The following USF3 variants were observed in gnomAD, a reference collection of about 807,000 sequenced individuals.
USF3 encodes the protein basic helix-loop-helix domain-containing protein USF3.
USF3 carries 29 observed loss-of-function variants against 157.5 expected under a neutral mutation model. The observed-to-expected ratio is 0.18, with a 90% CI of 0.14 to 0.25. The LOEUF (loss-of-function observed/expected upper bound fraction) is 0.25, where lower values mean the gene tolerates loss of function less well. Among genes scored for constraint, USF3 ranks in the 10% least tolerant of loss-of-function variants. USF3 has a pLI of 1.00. For missense variants in USF3, 2,381 were observed against 2,667.6 expected (o/e 0.89, Z 2.37); for synonymous variants, 893 against 941.4 (o/e 0.95, Z 0.94).
chr3:113,680,952 A>G (rs553711472), intron 1 of USF3, among the ~76,000 whole-genome samples: 6 of 151,720 alleles, frequency 4.0e-5, no homozygotes, highest in Admixed American at 6.6e-5. Context: ...ATGTACTGTT[A>G]GGTTCTTTAT....
chr3:113,659,554 C>A lies in USF3; in HGVS notation c.2128G>T (p.Ala710Ser). ...ATGCTTTGATTGAGGCTGGCCAAAGCACCAAATGTATTCAGGGCAACATTG... is the reference window on the plus strand; with the variant it reads ...ATGCTTTGATTGAGGCTGGCCAAAGAACCAAATGTATTCAGGGCAACATTG... ...NTNVALNTFG[A>S]LASLNQSISQ... Residue 710 changes from alanine (A) to serine (S), a missense_variant, in exon 7 of 7, where the codon GCT becomes TCT. Transcript: ENST00000316407. 1 of 1,614,148 alleles carries A rather than the reference C, an allele frequency of 6.2e-7. No individual in the cohort carries two copies. Among genetic ancestry groups the A allele is most frequent in the Non-Finnish European group, 8.5e-7 (1 of 1,180,000 alleles).
At position 113,660,262 on chromosome 3, in the gene USF3, C is replaced by T; in HGVS notation, c.1420G>A (p.Val474Met). ...SPTTSNHSRYVATDINLNNSF... is the reference protein window; with the variant it reads ...SPTTSNHSRYMATDINLNNSF... ...TTATTCAAGTTGATGTCTGTAGCCA[C>T]ATATCTACTGTGGTTGCTTGTGGTG... Residue 474 changes from valine (V) to methionine (M), a missense_variant, in exon 7 of 7, where the codon GTG becomes ATG. Physicochemically the swap from Val to Met is conservative, Grantham distance 21. Coordinates refer to ENST00000316407, the MANE Select transcript of USF3 (RefSeq NM_001009899.4). 1.2e-6 allele frequency: 2 copies of T among 1,614,200 alleles called. No individual in the cohort carries two copies. Among genetic ancestry groups the T allele is most frequent in the Non-Finnish European group, 1.7e-6 (2 of 1,180,032 alleles).
intron 1 of USF3, among the ~76,000 whole-genome samples, chr3:113,687,997 G>A (rs912815457): frequency 2.0e-5 from 3 of 152,196 alleles, no homozygotes; most frequent in African/African-American, 7.2e-5. Flanking sequence ...TCCAGGGTCA[G>A]CTAATTCAAA....
intron 1 of USF3, among the ~76,000 whole-genome samples, chr3:113,687,456 C>T (rs770542689): frequency 6.6e-6 from 1 of 152,170 alleles, no homozygotes; most frequent in Non-Finnish European, 1.5e-5. Context: ...TCACTGCTTC[C>T]AAGCCTTCTC....
In USF3 at chr3:113,658,867, C is replaced by T. The variant is rs375618670; in HGVS notation, c.2815G>A (p.Ala939Thr). The T allele has an allele frequency of 2.8e-5, 45 of 1,613,982 alleles. No individual in the cohort carries two copies. Among genetic ancestry groups the T allele is most frequent in the Non-Finnish European group, 3.4e-5 (40 of 1,180,018 alleles). ...GATGGAATCAATACATTGGCTGAAGCGCAGGGTTTGGCAGCATCTGATAAT... is the reference window on the plus strand; with the variant it reads ...GATGGAATCAATACATTGGCTGAAGTGCAGGGTTTGGCAGCATCTGATAAT... ...LALSDAAKPC[A>T]SANVLIPSPS... is the part of the protein sequence containing the mutation. The change falls in exon 7 of 7, where the codon GCT (alanine) becomes ACT (threonine). Residue 939 changes from alanine to threonine, a missense_variant. Ala to Thr is a moderately conservative substitution (Grantham distance 58). This residue lies in a region of USF3 where 1,435 missense variants were observed against 1,550.9 expected (regional missense o/e 0.93). Transcript: ENST00000316407.
Position 113,659,678 on chromosome 3 carries a change from T to C in USF3, c.2004A>G (p.Gly668=), listed in dbSNP as rs1559709979. Residue 668 remains glycine, a synonymous_variant, in exon 7 of 7, where the codon GGA becomes GGG. Transcript: ENST00000316407. Reference sequence around the variant, plus strand: ...TCACAGGCTGCAAAGCAAAGAGCTGTCCATTTAAAGAAATGGTTTGAGGCT... The same window carrying C: ...TCACAGGCTGCAAAGCAAAGAGCTGCCCATTTAAAGAAATGGTTTGAGGCT... The part of the protein sequence containing the change: ...NQQPQTISLN[G]QLFALQPVMS... 3 of 1,614,240 alleles carry C rather than the reference T, an allele frequency of 1.9e-6. No homozygotes were observed. Among genetic ancestry groups the C allele is most frequent in the Non-Finnish European group, 2.5e-6 (3 of 1,180,024 alleles).
intron 1 of USF3, among the ~76,000 whole-genome samples, chr3:113,690,834 C>T (rs1295486174): frequency 6.6e-6 from 1 of 152,122 alleles, no homozygotes; most frequent in East Asian, 1.9e-4. Flanking sequence ...TACATAATGT[C>T]CCTTTTCTCT....
intron 1 of USF3, among the ~76,000 whole-genome samples, chr3:113,680,061 T>C (rs1029893248): frequency 2.0e-4 from 29 of 144,386 alleles, no homozygotes; most frequent in Non-Finnish European, 3.1e-5. Context: ...TTCTTTTTTT[T>C]TTTTTTTTTT....
rs1346641154 is a variant in USF3, at chr3:113,649,387, T to C, written c.*5557A>G. On this transcript the variant is annotated 3_prime_UTR_variant, in exon 7 of 7. Coordinates refer to ENST00000316407, the MANE Select transcript of USF3 (RefSeq NM_001009899.4). Reference sequence around the variant, plus strand: ...CACGTTTATGAAGCATCTGACCACATACGCGTGCCAGAAAAAGATTACAGT... The same window carrying C: ...CACGTTTATGAAGCATCTGACCACACACGCGTGCCAGAAAAAGATTACAGT... 6.4e-6 allele frequency: 1 copy of C among 156,028 alleles called. No homozygotes were observed. The highest frequency in any genetic ancestry group is 2.4e-5 in the African/African-American group (1 of 41,586). The allele number at this position is 156,028 out of a possible 1,614,324, so 9.7% of individuals were successfully genotyped here.
chr3:113,696,355 C>G lies in USF3; in HGVS notation c.-135+15G>C, dbSNP rs1332494469. ...CCGCCCCGGCTGTCAGCGGCCCCCT[C>G]CCGCAGTCACTTACCCGCCGGCTGC... On this transcript the variant is annotated intron_variant, in intron 1 of 6. Coordinates refer to ENST00000316407, the MANE Select transcript of USF3 (RefSeq NM_001009899.4). The G allele has an allele frequency of 6.6e-6, 1 of 151,270 alleles. No individual in the cohort carries two copies. The highest frequency in any genetic ancestry group is 2.4e-5 in the African/African-American group (1 of 41,182). The allele number at this position is 151,270 out of a possible 1,614,324, so 9.4% of individuals were successfully genotyped here. A position where few individuals can be genotyped will look rare whatever the true frequency, so the allele number is the denominator to read the frequency against.
At chr3:113,669,998 T>C in intron 5 of USF3, 123 bp downstream of exon 5, 1 of 640,634 alleles carries the variant, frequency 1.6e-6, no homozygotes, top group South Asian at 2.0e-5. Flanking sequence ...AAGGCAATTA[T>C]TAACTTCAAA....
intron 6 of USF3, among the ~76,000 whole-genome samples, chr3:113,661,825 T>C (rs1008059044): frequency 6.6e-6 from 1 of 152,224 alleles, no homozygotes; most frequent in Non-Finnish European, 1.5e-5. Context: ...TTACCTGTGA[T>C]AGTAACAGGC....
intron 5 of USF3, among the ~76,000 whole-genome samples, chr3:113,669,326 A>C (rs76225420): frequency 7.9e-5 from 12 of 151,842 alleles, no homozygotes; most frequent in African/African-American, 2.6e-4. Flanking sequence ...AAAAAAAAAA[A>C]ACACAGAAGA....
chr3:113,681,953 T>C (rs999963194), intron 1 of USF3, among the ~76,000 whole-genome samples: 4 of 152,068 alleles, frequency 2.6e-5, no homozygotes, highest in South Asian at 4.1e-4. Flanking sequence ...ACTCTTGACC[T>C]TGTGATCCAC....
At chr3:113,668,780 T>C (rs1226573303) in intron 5 of USF3, among the ~76,000 whole-genome samples, 2 of 151,826 alleles carry the variant, frequency 1.3e-5, no homozygotes, top group Admixed American at 6.6e-5. Context: ...CACAAACATA[T>C]GGTAGGAAAA....
intron 1 of USF3, among the ~76,000 whole-genome samples, chr3:113,683,503 T>G (rs1227989872): frequency 7.7e-6 from 1 of 130,668 alleles, no homozygotes; most frequent in Non-Finnish European, 1.6e-5. Context: ...GGAGTCTCGC[T>G]CTGTCGCCAG....
At position 113,657,723 on chromosome 3, in the gene USF3, C is replaced by G. The variant is rs375665029; in HGVS notation, c.3959G>C (p.Ser1320Thr). The G allele has an allele frequency of 6.2e-7, 1 of 1,614,146 alleles. No individual in the cohort carries two copies. The highest frequency in any genetic ancestry group is 1.7e-5 in the Admixed American group (1 of 60,008). The change falls in exon 7 of 7, where the codon AGC becomes ACC. Residue 1320 changes from serine to threonine, a missense_variant. This residue lies in a region of USF3 where 1,435 missense variants were observed against 1,550.9 expected (regional missense o/e 0.93). Transcript: ENST00000316407. ...AGCAGAATCCTTACGGCTTTCATGGCTTGGCTTTAAGAGTGGCTCTTGAAT... is the reference window on the plus strand; with the variant it reads ...AGCAGAATCCTTACGGCTTTCATGGGTTGGCTTTAAGAGTGGCTCTTGAAT... ...SQIQEPLLKP[S>T]HESRKDSAKR...
intron 1 of USF3, among the ~76,000 whole-genome samples, chr3:113,688,924 G>A (rs569327578): frequency 3.5e-4 from 54 of 152,202 alleles, no homozygotes; most frequent in Admixed American, 8.5e-4. Context: ...CCAGCTACTC[G>A]GGAGGCTGAG....
At position 113,659,775 on chromosome 3, in the gene USF3, A is replaced by G; in HGVS notation, c.1907T>C (p.Ile636Thr). ...QTFGGKHLVH[I>T]LPRPSSLSAS... ...TGATAAAGATGAAGGTCTTGGTAAT[A>G]TGTGGACAAGATGCTTTCCTCCAAA... The change falls in exon 7 of 7, where the codon ATA becomes ACA. Residue 636 changes from isoleucine (I) to threonine (T), a missense_variant. Ile to Thr is a moderately conservative substitution (Grantham distance 89). Transcript: ENST00000316407. The G allele has an allele frequency of 6.2e-7, 1 of 1,614,224 alleles. No homozygotes were observed. Among genetic ancestry groups the G allele is most frequent in the Non-Finnish European group, 8.5e-7 (1 of 1,180,040 alleles).
Sources: allele counts gnomAD v4.1 joint callset (sites outside exome capture counted in the v4.1 genomes callset), GRCh38; gene constraint gnomAD v4.1.1; regional missense constraint gnomAD v4.1.1; transcripts MANE v1.5; gene names NCBI Gene and HGNC (gene_info 2026-07-23, HGNC 2026-07-21).